Variants in CHD7 observed in about 807,000 individuals in gnomAD.
CHD7 encodes chromodomain helicase DNA binding protein 7, also known as ATP-dependent chromatin remodeler CHD7.
Under a neutral mutation model 307.3 loss-of-function variants are expected in CHD7, and 24 were observed. The ratio of observed to expected loss-of-function variants is 0.08; its 90% CI spans 0.06 to 0.11. The LOEUF is 0.11. CHD7 is among the 10% of genes least tolerant of loss of function. The pLI is 1.00. For missense variants in CHD7, 3,106 were observed against 3,727.1 expected (o/e 0.83, Z 4.34); for synonymous variants, 1,363 against 1,349.9 (o/e 1.01, Z -0.21).
chr8:60,767,859 A>G (rs1315265560), intron 2 of CHD7, among the ~76,000 whole-genome samples: 1 of 152,214 alleles, frequency 6.6e-6, no homozygotes, highest in African/African-American at 2.4e-5. Context: ...TATTCTGTGC[A>G]CGGTGAACTG....
At chr8:60,679,299 G>T (rs961977862) in intron 1 of CHD7, among the ~76,000 whole-genome samples, 3 of 147,014 alleles carry the variant, frequency 2.0e-5, no homozygotes, top group African/African-American at 7.3e-5. Context: ...GCCGCCCGCG[G>T]GGCCCGAACC....
At chr8:60,816,141 C>T (rs1803734628) in intron 7 of CHD7, among the ~76,000 whole-genome samples, 1 of 150,292 alleles carries the variant, frequency 6.7e-6, no homozygotes, top group Admixed American at 6.6e-5. Flanking sequence ...CTCTCTCTCT[C>T]TCTCTCTCTC....
chr8:60,742,793 A>G lies in CHD7; in HGVS notation c.1361A>G (p.Asn454Ser), dbSNP rs766249962. Reference sequence around the variant, plus strand: ...GGACAGAGGAATATGGGCCCCAGAAACATGCAGCAGTCTCGTCCATTTATA... The same window carrying G: ...GGACAGAGGAATATGGGCCCCAGAAGCATGCAGCAGTCTCGTCCATTTATA... ...GIGQRNMGPR[N>S]MQQSRPFIGM... The change falls in exon 2 of 38, where the codon AAC becomes AGC. Residue 454 changes from asparagine (N) to serine (S), a missense_variant. Asn to Ser is a conservative substitution (Grantham distance 46, BLOSUM62 1). Transcript: ENST00000423902. 23 of 1,614,020 alleles carry G rather than the reference A, an allele frequency of 1.4e-5. No individual in the cohort carries two copies. Among genetic ancestry groups the G allele is most frequent in the Non-Finnish European group, 1.7e-5 (20 of 1,179,890 alleles).
At chr8:60,838,722 C>G (rs560733410) in intron 19 of CHD7, among the ~76,000 whole-genome samples, 3 of 152,322 alleles carry the variant, frequency 2.0e-5, no homozygotes, top group African/African-American at 7.2e-5. Flanking sequence ...CCTCTACTGT[C>G]TCCCTTTCTA....
At chr8:60,757,048 A>G (rs1046995899) in intron 2 of CHD7, among the ~76,000 whole-genome samples, 1 of 152,236 alleles carries the variant, frequency 6.6e-6, no homozygotes, top group Non-Finnish European at 1.5e-5. Flanking sequence ...TTGAGTCTCT[A>G]ACATTTGTCC....
rs941979565 is a variant in CHD7, at chr8:60,777,252, T to C, written c.1666-3748T>C. 5.8e-4 allele frequency among the ~76,000 whole-genome samples: 88 copies of C among 152,202 alleles called. 1 individual carries two copies. The highest frequency in any genetic ancestry group is 1.3e-4 in the Admixed American group (2 of 15,284). On this transcript the variant is annotated intron_variant, in intron 2 of 37. Coordinates refer to ENST00000423902, the MANE Select transcript of CHD7 (RefSeq NM_017780.4). ...GTAAATAAATACATTTGTCTGTAAA[T>C]AAAATGTTTATCCTTGGGTGCCCTG... is the stretch of plus-strand genomic sequence containing the variant.
chr8:60,691,778 C>T (rs751646308), intron 1 of CHD7, among the ~76,000 whole-genome samples: 7 of 152,160 alleles, frequency 4.6e-5, no homozygotes, highest in Non-Finnish European at 1.0e-4. Flanking sequence ...AACTTTCTTA[C>T]CTGTTTTCTC....
In CHD7 at chr8:60,856,826, A is replaced by C; in HGVS notation, c.7546A>C (p.Arg2516=). 6.3e-7 allele frequency: 1 copy of C among 1,595,504 alleles called. No homozygotes were observed. Among genetic ancestry groups the C allele is most frequent in the Non-Finnish European group, 8.5e-7 (1 of 1,170,772 alleles). The change falls in exon 34 of 38, where the codon AGG becomes CGG. Residue 2516 remains arginine (R), a synonymous_variant. Coordinates refer to ENST00000423902, the MANE Select transcript of CHD7 (RefSeq NM_017780.4). ...EPPMKRRRGR[R]KNVEGLDLLF... is the part of the protein sequence containing the mutation. Reference sequence around the variant, plus strand: ...TCCCATGAAGAGGAGGCGGGGAAGGAGGAAAAATGTGGAGGGACTTGATCT... The same window carrying C: ...TCCCATGAAGAGGAGGCGGGGAAGGCGGAAAAATGTGGAGGGACTTGATCT...
At position 60,781,001 on chromosome 8, in the gene CHD7, A is replaced by G; in HGVS notation, c.1667A>G (p.His556Arg). ...TCAATTCCTATTTGTGTCTCTCAGC[A>G]TTCCCCGTCGGAGCCCTTTCTAGAG... ...NTPQKVPVHQ[H>R]SPSEPFLEKP... Residue 556 changes from histidine (H) to arginine (R), a missense_variant and splice_region_variant, in exon 3 of 38, where the codon CAT (histidine) becomes CGT (arginine). By Grantham distance (29) the His-to-Arg change is conservative. Transcript: ENST00000423902. 6.5e-7 allele frequency: 1 copy of G among 1,548,466 alleles called. No homozygotes were observed. Among genetic ancestry groups the G allele is most frequent in the Non-Finnish European group, 8.7e-7 (1 of 1,153,630 alleles).
intron 1 of CHD7, among the ~76,000 whole-genome samples, chr8:60,696,843 G>A (rs1586175896): frequency 7.2e-6 from 1 of 138,040 alleles, no homozygotes; most frequent in Admixed American, 7.2e-5. Context: ...AATTTTGCAT[G>A]TTTTTTTTTT....
In CHD7 at chr8:60,820,120, G is replaced by A. The variant is rs372108679; in HGVS notation, c.2697+30G>A. 245 of 1,432,968 alleles carry A rather than the reference G, an allele frequency of 1.7e-4. No homozygotes were observed. Among genetic ancestry groups the A allele is most frequent in the Non-Finnish European group, 8.8e-5 (90 of 1,025,220 alleles). 88.8% of individuals were successfully genotyped at this position (1,432,968 alleles called of 1,614,324 possible). On this transcript the variant is annotated intron_variant, in intron 9 of 37. Transcript: ENST00000423902. ...CAGGAGATCATTTGTATTACAAAGT[G>A]GTGATTCAGGCAACCCATACATGTT...
chr8:60,743,952 A>C (rs7011801), intron 2 of CHD7, among the ~76,000 whole-genome samples: 79,385 of 152,134 alleles, frequency 0.52, 25,023 homozygotes, highest in East Asian at 0.78. Context: ...TTTTAGAGCT[A>C]TAAAGCATAG....
intron 2 of CHD7, among the ~76,000 whole-genome samples, chr8:60,775,290 T>C (rs1339233798): frequency 6.6e-6 from 1 of 152,270 alleles, no homozygotes; most frequent in Non-Finnish European, 1.5e-5. Flanking sequence ...TATTTTACTT[T>C]GTAATTATCT....
intron 1 of CHD7, among the ~76,000 whole-genome samples, chr8:60,734,540 C>T (rs996620895): frequency 6.6e-6 from 1 of 151,966 alleles, no homozygotes; most frequent in South Asian, 2.1e-4. Flanking sequence ...AGGAAGCTTC[C>T]GAAGATGGGT....
intron 2 of CHD7, among the ~76,000 whole-genome samples, chr8:60,743,387 C>T (rs1809157301): frequency 2.0e-5 from 3 of 152,200 alleles, no homozygotes; most frequent in Admixed American, 6.5e-5. Flanking sequence ...GCTCACAAGA[C>T]AAACGCTTTT....
In CHD7 at chr8:60,822,155, A is replaced by T; in HGVS notation, c.2957+10A>T. 1 of 1,599,530 alleles carries T rather than the reference A, an allele frequency of 6.3e-7. No individual in the cohort carries two copies. The highest frequency in any genetic ancestry group is 2.2e-5 in the East Asian group (1 of 44,728). On this transcript the variant is annotated intron_variant, in intron 11 of 37. Transcript: ENST00000423902. The stretch of plus-strand genomic sequence containing the variant: ...TCAATTGGTACAACATGTATGTAAA[A>T]CAAGTTTTTCTTCACTTTTAAATAT...
chr8:60,714,303 T>G, intron 1 of CHD7, among the ~76,000 whole-genome samples: 1 of 151,220 alleles, frequency 6.6e-6, no homozygotes, highest in East Asian at 2.0e-4. Flanking sequence ...GGGCGCTCGC[T>G]TCACCTCATG....
chr8:60,683,280 G>C (rs911713918), intron 1 of CHD7, among the ~76,000 whole-genome samples: 6 of 152,132 alleles, frequency 3.9e-5, no homozygotes, highest in South Asian at 2.1e-4. Context: ...AAGAAATTGA[G>C]ATCAATAATC....
At position 60,738,122 on chromosome 8, in the gene CHD7, T is replaced by C. The variant is rs572670923; in HGVS notation, c.-174-3137T>C. Among the ~76,000 whole-genome samples the C allele has an allele frequency of 6.6e-5, 10 of 152,336 alleles. No homozygotes were observed. In the East Asian group the frequency reaches 1.9e-3, roughly 29 times the overall value. ...GTTATTTCTGTTTCTTCTTTTTAAA[T>C]ACTTTATGCTGTCCAGTATGGAAGC... On this transcript the variant is annotated intron_variant, in intron 1 of 37. Transcript: ENST00000423902.
Sources: allele counts gnomAD v4.1 joint callset (sites outside exome capture counted in the v4.1 genomes callset), GRCh38; gene constraint gnomAD v4.1.1; transcripts MANE v1.5; gene names NCBI Gene and HGNC (gene_info 2026-07-23, HGNC 2026-07-21).